The following LEKR1 variants were observed in gnomAD, a reference collection of about 807,000 sequenced individuals.
The protein encoded by LEKR1 is leucine, glutamate and lysine rich 1.
A neutral mutation model predicts 72.4 loss-of-function variants in LEKR1; 59 were observed. That is an observed-to-expected ratio of 0.82 (90% CI 0.66 to 1.01). The LOEUF (loss-of-function observed/expected upper bound fraction) is 1.01, where lower values mean the gene tolerates loss of function less well. Ranked by LOEUF, LEKR1 falls within the 50% of genes least tolerant of loss-of-function variation. The pLI, the probability that LEKR1 is intolerant of heterozygous loss-of-function variation, is 0.00. For synonymous variants in LEKR1, 257 were observed against 263.2 expected (o/e 0.98, Z 0.23); for missense variants, 728 against 759.2 (o/e 0.96, Z 0.48).
At chr3:156,860,118 G>A (rs1176857942) in intron 3 of LEKR1, among the ~76,000 whole-genome samples, 2 of 152,004 alleles carry the variant, frequency 1.3e-5, no homozygotes, top group East Asian at 1.9e-4. Context: ...TGTTCGGGGT[G>A]TTTCAGTTGT....
chr3:156,843,338 A>G (rs1479221021), intron 2 of LEKR1, among the ~76,000 whole-genome samples: 1 of 152,204 alleles, frequency 6.6e-6, no homozygotes, highest in African/African-American at 2.4e-5. Flanking sequence ...TCAAAACAAC[A>G]GCAACAAACT....
intron 4 of LEKR1, chr3:156,925,333 T>TGTGTGTGTGTGTGTGTG (rs368776705): frequency 4.7e-4 from 35 of 74,912 alleles, no homozygotes; most frequent in African/African-American, 1.2e-3. Flanking sequence ...GTGTGTGTGT[T>TGTGTGTGTGTGTGTGTG]TGTGTGTGTC....
Position 157,030,549 on chromosome 3 carries a change from C to T in LEKR1, c.1668+2147C>T, listed in dbSNP as rs1365397624. ...ATAAAAAAAGCATAGACTGAAAGCT[C>T]GAACATTTGCATGAAGAGCCTGTAT... On this transcript the variant is annotated intron_variant, in intron 12 of 12. Transcript: ENST00000356539. Among the ~76,000 whole-genome samples the T allele has an allele frequency of 5.3e-5, 8 of 152,288 alleles. No homozygotes were observed. The East Asian group carries it at 9.6e-4, about 18-fold the overall frequency.
intron 2 of LEKR1, among the ~76,000 whole-genome samples, chr3:156,833,731 A>G (rs1350231035): frequency 2.0e-5 from 3 of 152,134 alleles, no homozygotes; most frequent in African/African-American, 7.2e-5. Flanking sequence ...TGAAATTTTG[A>G]TTTTGGAAGG....
intron 6 of LEKR1, among the ~76,000 whole-genome samples, chr3:156,958,916 C>T (rs1727884200): frequency 6.6e-6 from 1 of 152,110 alleles, no homozygotes; most frequent in Non-Finnish European, 1.5e-5. Flanking sequence ...TTTGGCTTTA[C>T]TTTCTCTACC....
chr3:156,833,160 A>T (rs971543035), intron 2 of LEKR1, among the ~76,000 whole-genome samples: 1 of 152,248 alleles, frequency 6.6e-6, no homozygotes, highest in Non-Finnish European at 1.5e-5. Context: ...ACAAATAGTC[A>T]TAGAAAGATT....
At chr3:156,840,147 G>T (rs1371163283) in intron 2 of LEKR1, among the ~76,000 whole-genome samples, 1 of 152,100 alleles carries the variant, frequency 6.6e-6, no homozygotes, top group East Asian at 1.9e-4. Context: ...TATAAAATAT[G>T]CATTAATTGA....
At chr3:156,936,831 A>G (rs1329525904) in intron 5 of LEKR1, among the ~76,000 whole-genome samples, 1 of 152,212 alleles carries the variant, frequency 6.6e-6, no homozygotes, top group African/African-American at 2.4e-5. Context: ...TACAAAAACT[A>G]ACTCAGTGGA....
chr3:156,960,636 CT>C (rs1289682238), intron 6 of LEKR1, among the ~76,000 whole-genome samples: 1 of 152,094 alleles, frequency 6.6e-6, no homozygotes, highest in Non-Finnish European at 1.5e-5. Flanking sequence ...AAACTTTTAA[CT>C]TTGTTTTCCC....
chr3:156,990,213 T>C (rs1731043354), intron 7 of LEKR1, among the ~76,000 whole-genome samples: 1 of 152,134 alleles, frequency 6.6e-6, no homozygotes, highest in Non-Finnish European at 1.5e-5. Context: ...TTCCTCTCTA[T>C]TAGATTAAGG....
At chr3:156,958,579 A>G (rs1390322840) in intron 6 of LEKR1, among the ~76,000 whole-genome samples, 1 of 152,046 alleles carries the variant, frequency 6.6e-6, no homozygotes, top group Non-Finnish European at 1.5e-5. Flanking sequence ...CCTACTGTCT[A>G]TTAACCTATT....
intron 3 of LEKR1, among the ~76,000 whole-genome samples, chr3:156,907,375 A>T (rs757969926): frequency 6.6e-6 from 1 of 152,068 alleles, no homozygotes; most frequent in Non-Finnish European, 1.5e-5. Flanking sequence ...AAATCTTGGC[A>T]TTCTTTCCAT....
chr3:157,006,693 A>G (rs1243356706), intron 9 of LEKR1, among the ~76,000 whole-genome samples: 1 of 152,252 alleles, frequency 6.6e-6, no homozygotes, highest in African/African-American at 2.4e-5. Context: ...TGAACTATCA[A>G]TAAGGTACAA....
At chr3:156,869,787 AATGTCCTG>A (rs1717712336) in intron 3 of LEKR1, among the ~76,000 whole-genome samples, 1 of 151,874 alleles carries the variant, frequency 6.6e-6, no homozygotes, top group Non-Finnish European at 1.5e-5. Flanking sequence ...TGCCTAGATC[AATGTCCTG>A]AATTATTTTA....
At chr3:157,005,683 AAG>A (rs1450273635) in intron 9 of LEKR1, among the ~76,000 whole-genome samples, 5 of 152,142 alleles carry the variant, frequency 3.3e-5, no homozygotes, top group Non-Finnish European at 7.4e-5. Flanking sequence ...CAACAGATAA[AAG>A]AGATAAATTC....
chr3:156,862,357 T>G (rs1400378052), intron 3 of LEKR1, among the ~76,000 whole-genome samples: 2 of 152,104 alleles, frequency 1.3e-5, no homozygotes, highest in Non-Finnish European at 2.9e-5. Context: ...TAATTTTTAT[T>G]GGCATAAACA....
intron 3 of LEKR1, among the ~76,000 whole-genome samples, chr3:156,869,305 C>T (rs781558614): frequency 9.9e-5 from 15 of 152,028 alleles, no homozygotes; most frequent in African/African-American, 1.4e-4. Context: ...TACTAATTTA[C>T]ATTCCTATCA....
chr3:156,876,992 T>C (rs904694487), intron 3 of LEKR1, among the ~76,000 whole-genome samples: 2 of 152,186 alleles, frequency 1.3e-5, no homozygotes, highest in African/African-American at 4.8e-5. Context: ...TTAAGGTATA[T>C]CCCTTCTATG....
intron 3 of LEKR1, among the ~76,000 whole-genome samples, chr3:156,919,974 T>C (rs991564671): frequency 1.3e-5 from 2 of 152,178 alleles, no homozygotes; most frequent in South Asian, 2.1e-4. Flanking sequence ...AAAAAGAGTT[T>C]GGCTTCCTTG....
Sources: gnomAD v4.1 joint callset for allele counts (sites outside exome capture counted in the v4.1 genomes callset) on GRCh38, gnomAD v4.1.1 for gene constraint, MANE v1.5 for transcripts, NCBI Gene and HGNC (gene_info 2026-07-23, HGNC 2026-07-21) for gene names.